The following HMG20A variants were observed in gnomAD, a reference collection of about 807,000 sequenced individuals.
HMG20A encodes high mobility group protein 20A.
Under a neutral mutation model 43.9 loss-of-function variants are expected in HMG20A, and 17 were observed. The ratio of observed to expected loss-of-function variants is 0.39; its 90% CI spans 0.27 to 0.58. The LOEUF is 0.58. HMG20A is among the 20% of genes least tolerant of loss of function. The pLI is 0.59. For synonymous variants in HMG20A, 132 were observed against 147.5 expected, an observed-to-expected ratio of 0.89 and a Z score of 0.76; for missense variants, 341 against 438.2, an observed-to-expected ratio of 0.78 and a Z score of 1.98.
intron 2 of HMG20A, among the ~76,000 whole-genome samples, chr15:77,460,638 A>G (rs978466832): frequency 9.2e-5 from 14 of 152,184 alleles, no homozygotes; most frequent in African/African-American, 3.4e-4. Context: ...CACTCTGTAG[A>G]TGGAAGAAAG....
At chr15:77,488,740 C>G (rs373300210), downstream of HMG20A, among the ~76,000 whole-genome samples, 1 of 152,126 alleles carries the variant, frequency 6.6e-6, no homozygotes, top group African/African-American at 2.4e-5. Context: ...ATTCATAGAT[C>G]ATTAAATCAG....
At chr15:77,502,001 G>A in the HMG20A span, among the ~76,000 whole-genome samples, 3 of 152,198 alleles carry the variant, frequency 2.0e-5, no homozygotes, top group Non-Finnish European at 4.4e-5. Context: ...AGAAATGGGT[G>A]AAGTATGGTC....
chr15:77,507,354 AC>A, the HMG20A span, among the ~76,000 whole-genome samples: 474 of 151,350 alleles, frequency 3.1e-3, 2 homozygotes, highest in African/African-American at 0.011. Flanking sequence ...ATGTACACAC[AC>A]CCCCCACACC....
In HMG20A at chr15:77,477,594, C is replaced by T. The variant is rs762710203; in HGVS notation, c.655C>T (p.Pro219Ser). ...EVKERSVFDI[P>S]IFTEEFLNHS... The stretch of plus-strand genomic sequence containing the variant: ...AAAGGAACGGTCTGTTTTTGACATC[C>T]CTATATTTACAGAGGAATTCTTGAA... The change falls in exon 7 of 10, where the codon CCT becomes TCT. Residue 219 changes from proline (P) to serine (S), a missense_variant. Physicochemically the swap from Pro to Ser is moderately conservative, Grantham distance 74. Around this residue, in one of 3 missense-constraint regions of HMG20A, gnomAD observed 3 missense variants for 20.1 expected, o/e 0.15. Coordinates refer to ENST00000336216, the MANE Select transcript of HMG20A (RefSeq NM_001304504.2). The T allele has an allele frequency of 5.0e-6, 8 of 1,612,152 alleles. No individual in the cohort carries two copies. The highest frequency in any genetic ancestry group is 6.8e-6 in the Non-Finnish European group (8 of 1,178,700).
intron 2 of HMG20A, among the ~76,000 whole-genome samples, chr15:77,460,778 G>T (rs1671696782): frequency 6.6e-6 from 1 of 152,108 alleles, no homozygotes; most frequent in Non-Finnish European, 1.5e-5. Flanking sequence ...TTGAGGTCAG[G>T]AGTTCAAGAC....
intron 4 of HMG20A, among the ~76,000 whole-genome samples, chr15:77,469,575 C>G (rs1296094014): frequency 6.6e-6 from 1 of 152,086 alleles, no homozygotes; most frequent in African/African-American, 2.4e-5. Flanking sequence ...CTCAAGCAGT[C>G]CTCCTCTTGC....
At chr15:77,466,962 T>C in intron 3 of HMG20A, 133 bp from the exon 4 acceptor site, 1 of 698,010 alleles carries the variant, frequency 1.4e-6, no homozygotes, top group African/African-American at 1.8e-5. Context: ...TGTGGAGAGC[T>C]TTGAATATCC....
At chr15:77,464,507 C>T (rs2072736969) in intron 3 of HMG20A, 120 bp downstream of exon 3, 2 of 929,758 alleles carry the variant, frequency 2.2e-6, no homozygotes, top group Non-Finnish European at 3.2e-6. Flanking sequence ...CTGATACCTG[C>T]AAAATTTTGT....
At chr15:77,454,514 T>C (rs2072636579) in intron 1 of HMG20A, among the ~76,000 whole-genome samples, 1 of 152,134 alleles carries the variant, frequency 6.6e-6, no homozygotes. Context: ...AGAGATAACA[T>C]GGCAGTTGGG....
chr15:77,431,100 A>G (rs2073480055), intron 1 of HMG20A, among the ~76,000 whole-genome samples: 1 of 152,254 alleles, frequency 6.6e-6, no homozygotes, highest in South Asian at 2.1e-4. Flanking sequence ...CAAAGGAACA[A>G]TTAGACTGAC....
In HMG20A at chr15:77,477,799, G is replaced by A. The variant is rs2072869935; in HGVS notation, c.691+169G>A. Among the ~76,000 whole-genome samples, 3 of 152,172 alleles carry A rather than the reference G, an allele frequency of 2.0e-5. No individual in the cohort carries two copies. The South Asian group carries it at 6.2e-4, about 32-fold the overall frequency. On this transcript the variant is annotated intron_variant, in intron 7 of 9. Transcript: ENST00000336216. Reference sequence around the variant, plus strand: ...GTTGTCAAAGCTTCTTTGGTCTCTGGATGAAAGGAAATAAATGCAAATCAC... The same window carrying A: ...GTTGTCAAAGCTTCTTTGGTCTCTGAATGAAAGGAAATAAATGCAAATCAC...
At chr15:77,501,521 C>A in the HMG20A span, among the ~76,000 whole-genome samples, 3 of 152,230 alleles carry the variant, frequency 2.0e-5, no homozygotes, top group East Asian at 5.8e-4. Context: ...AAGTAGAGAA[C>A]CTCAGAGCTC....
the HMG20A span, among the ~76,000 whole-genome samples, chr15:77,510,819 G>C: frequency 3.9e-5 from 6 of 152,264 alleles, 1 homozygote; most frequent in South Asian, 1.2e-3. Flanking sequence ...AGCAGATGGG[G>C]CTGTTAAAAG....
At chr15:77,441,748 T>G (rs201901743) in intron 1 of HMG20A, among the ~76,000 whole-genome samples, 3,934 of 152,252 alleles carry the variant, frequency 0.026, 78 homozygotes, top group Middle Eastern at 0.054. Context: ...AAGCTTTTTT[T>G]CCCTCATAGC....
rs952472 is a variant in HMG20A, at chr15:77,484,220, A to C, written c.*1257A>C. 0.63 allele frequency: 95,270 copies of C among 152,108 alleles called. 30,499 individuals are homozygous for C. The highest frequency in any genetic ancestry group is 0.71 in the Non-Finnish European group (48,156 of 68,016). 9.4% of individuals were successfully genotyped at this position (152,108 alleles called of 1,614,324 possible). A position where few individuals can be genotyped will look rare whatever the true frequency, so the allele number is the denominator to read the frequency against. On this transcript the variant is annotated 3_prime_UTR_variant, in exon 10 of 10. Transcript: ENST00000336216. ...ATGCTATCATAGCACACTACAGCCT[A>C]CAACTCTTGGGCTCAAGCATCACGC... is the stretch of plus-strand genomic sequence containing the variant.
chr15:77,510,563 T>C, the HMG20A span, among the ~76,000 whole-genome samples: 2 of 152,270 alleles, frequency 1.3e-5, no homozygotes, highest in East Asian at 3.9e-4. Context: ...CCTCCTGGGG[T>C]AGGCCTTGCC....
chr15:77,498,297 A>T, the HMG20A span, among the ~76,000 whole-genome samples: 2 of 152,130 alleles, frequency 1.3e-5, no homozygotes, highest in African/African-American at 4.8e-5. Context: ...AAGGGAGTGC[A>T]TGTGATACAT....
At chr15:77,467,042 T>G (rs1317891339) in intron 3 of HMG20A, 53 bp from the exon 4 acceptor site, 1 of 1,437,904 alleles carries the variant, frequency 7.0e-7, no homozygotes, top group Non-Finnish European at 9.6e-7. Flanking sequence ...TGGGTTATTT[T>G]GGGAGATGGT....
At chr15:77,492,103 A>G in the HMG20A span, among the ~76,000 whole-genome samples, 1 of 152,266 alleles carries the variant, frequency 6.6e-6, no homozygotes, top group East Asian at 1.9e-4. Context: ...TAAAATACAA[A>G]TAAAATTACA....
Sources: gnomAD v4.1 joint callset for allele counts (sites outside exome capture counted in the v4.1 genomes callset) on GRCh38, gnomAD v4.1.1 for gene constraint, gnomAD v4.1.1 regional missense constraint, MANE v1.5 for transcripts, NCBI Gene and HGNC (gene_info 2026-07-23, HGNC 2026-07-21) for gene names.